Variants in LUZP1 observed in about 807,000 individuals in gnomAD.
LUZP1 encodes the protein leucine zipper protein 1, also known as filamin mechanobinding actin cross-linking protein.
LUZP1 carries 25 observed loss-of-function variants against 71.3 expected under a neutral mutation model. The observed-to-expected ratio is 0.35, with a 90% CI of 0.26 to 0.49. The LOEUF (loss-of-function observed/expected upper bound fraction) is 0.49, where lower values mean the gene tolerates loss of function less well. LUZP1 is among the 20% of genes least tolerant of loss of function. The pLI, the probability that LUZP1 is intolerant of heterozygous loss-of-function variation, is 0.99. For synonymous variants in LUZP1, 481 were observed against 506.4 expected (o/e 0.95, Z 0.67); for missense variants, 1,142 against 1,300.8 (o/e 0.88, Z 1.88).
chr1:23,101,712 A>T (rs1010265172), intron 3 of LUZP1, among the ~76,000 whole-genome samples: 1 of 152,088 alleles, frequency 6.6e-6, no homozygotes, highest in Non-Finnish European at 1.5e-5. Context: ...CTTATCTCTG[A>T]CCTTTTGGCC....
intron 3 of LUZP1, among the ~76,000 whole-genome samples, chr1:23,095,645 A>G (rs1170310288): frequency 6.6e-6 from 1 of 152,214 alleles, no homozygotes; most frequent in Non-Finnish European, 1.5e-5. Context: ...AGCAAGGATT[A>G]TTGAAGAACT....
chr1:23,134,825 T>C (rs1413131096), intron 2 of LUZP1, among the ~76,000 whole-genome samples: 1 of 152,106 alleles, frequency 6.6e-6, no homozygotes, highest in African/African-American at 2.4e-5. Flanking sequence ...CCATGCTTTT[T>C]TTTTTCCCAA....
rs944879117 is a variant in LUZP1, at chr1:23,121,248, C to T, written c.-225-12121G>A. ...TTAGTCTGTAATAGTTTTTGTACTT[C>T]TTCAATAATTTGTACTGCCTATTGT... is the stretch of plus-strand genomic sequence containing the variant. On this transcript the variant is annotated intron_variant, in intron 2 of 4. Transcript: ENST00000302291. Among the ~76,000 whole-genome samples, 4 of 152,282 alleles carry T rather than the reference C, an allele frequency of 2.6e-5. No homozygotes were observed. In the East Asian group the frequency reaches 5.8e-4, roughly 22 times the overall value.
At chr1:23,162,440 TTA>T (rs1383488200) in intron 2 of LUZP1, among the ~76,000 whole-genome samples, 1,509 of 150,276 alleles carry the variant, frequency 0.01, 34 homozygotes, top group African/African-American at 0.036. Context: ...TAATATACTT[TTA>T]TTTTTTTTTT....
intron 3 of LUZP1, among the ~76,000 whole-genome samples, chr1:23,098,102 G>C (rs1643902681): frequency 6.6e-6 from 1 of 152,172 alleles, no homozygotes; most frequent in Admixed American, 6.5e-5. Flanking sequence ...CTCCAGTCTT[G>C]TTCAGCTGGC....
At chr1:23,171,423 T>C (rs949849298) in intron 1 of LUZP1, among the ~76,000 whole-genome samples, 17 of 152,210 alleles carry the variant, frequency 1.1e-4, no homozygotes, top group African/African-American at 3.9e-4. Context: ...TAGTTCTCTC[T>C]GAGAGTTCTT....
At chr1:23,090,622 T>C in intron 4 of LUZP1, 1 of 554,412 alleles carries the variant, frequency 1.8e-6, no homozygotes, top group East Asian at 2.9e-5. Flanking sequence ...GACAGCTGTC[T>C]GGGGGGCAAA....
chr1:23,128,099 C>T (rs1013297535), intron 2 of LUZP1, among the ~76,000 whole-genome samples: 1 of 151,848 alleles, frequency 6.6e-6, no homozygotes, highest in Non-Finnish European at 1.5e-5. Context: ...CCGCTGCACT[C>T]CAGCCTGGTG....
intron 2 of LUZP1, among the ~76,000 whole-genome samples, chr1:23,114,558 T>TTG (rs1165131710): frequency 1.3e-5 from 2 of 152,232 alleles, no homozygotes; most frequent in Admixed American, 1.3e-4. Flanking sequence ...TCACTTCATG[T>TTG]TGGAGTTCAG....
At chr1:23,136,547 C>G (rs1644254339) in intron 2 of LUZP1, among the ~76,000 whole-genome samples, 1 of 152,010 alleles carries the variant, frequency 6.6e-6, no homozygotes, top group African/African-American at 2.4e-5. Context: ...GATGAGAAAA[C>G]TGACTCTGAA....
chr1:23,102,139 T>C (rs1041243707), intron 3 of LUZP1, among the ~76,000 whole-genome samples: 13 of 152,176 alleles, frequency 8.5e-5, no homozygotes. Flanking sequence ...ACTGTTTATA[T>C]TAAACCTTGG....
intron 2 of LUZP1, among the ~76,000 whole-genome samples, chr1:23,146,352 T>A (rs74817868): frequency 6.6e-6 from 1 of 152,296 alleles, no homozygotes; most frequent in Admixed American, 6.5e-5. Flanking sequence ...GAGATTAACA[T>A]GTAACAGATA....
intron 3 of LUZP1, among the ~76,000 whole-genome samples, chr1:23,103,831 AGAGGGAGAGAGG>A (rs1339511597): frequency 0.044 from 2,561 of 58,150 alleles, 79 homozygotes; most frequent in Non-Finnish European, 0.063. Context: ...AGGGAGGAAG[AGAGGGAGAGAGG>A]GAGGGAGGGA....
At chr1:23,149,103 A>T (rs894070884) in intron 2 of LUZP1, among the ~76,000 whole-genome samples, 6 of 150,534 alleles carry the variant, frequency 4.0e-5, no homozygotes, top group Admixed American at 6.6e-5. Flanking sequence ...AAAAAAAAAA[A>T]AAATTAAATT....
chr1:23,161,321 C>T (rs924651020), intron 2 of LUZP1, among the ~76,000 whole-genome samples: 1 of 152,098 alleles, frequency 6.6e-6, no homozygotes. Flanking sequence ...AAAGGACTAG[C>T]AAGACACGAT....
At chr1:23,099,577 C>T (rs1228969453) in intron 3 of LUZP1, among the ~76,000 whole-genome samples, 3 of 152,162 alleles carry the variant, frequency 2.0e-5, no homozygotes, top group African/African-American at 4.8e-5. Context: ...AAGAAGGAAA[C>T]GTTAAACCTT....
At chr1:23,113,881 A>G (rs142019623) in intron 2 of LUZP1, among the ~76,000 whole-genome samples, 2,264 of 152,162 alleles carry the variant, frequency 0.015, 47 homozygotes, top group African/African-American at 0.052. Context: ...TCCGTCTCAA[A>G]AAAAGAAAAA....
chr1:23,092,892 G>T, exon 4 of LUZP1: 11 of 1,613,624 alleles, frequency 6.8e-6, no homozygotes, highest in Non-Finnish European at 9.3e-6. Flanking sequence ...GGAGGAGCCG[G>T]GTACAAACCG....
intron 2 of LUZP1, among the ~76,000 whole-genome samples, chr1:23,146,836 G>A (rs1012907047): frequency 2.0e-5 from 3 of 151,678 alleles, no homozygotes; most frequent in Non-Finnish European, 4.4e-5. Context: ...GATGGCTCAC[G>A]CCTGTAATCC....
Sources: allele counts gnomAD v4.1 joint callset (sites outside exome capture counted in the v4.1 genomes callset), GRCh38; gene constraint gnomAD v4.1.1; transcripts MANE v1.5; gene names NCBI Gene and HGNC (gene_info 2026-07-23, HGNC 2026-07-21).